CFAP54: variants seen among roughly 807,000 people sequenced by gnomAD.
CFAP54 encodes cilia- and flagella-associated protein 54.
A neutral mutation model predicts 370.4 loss-of-function variants in CFAP54; 290 were observed. That is an observed-to-expected ratio of 0.78 (90% confidence interval 0.71 to 0.86). The LOEUF (loss-of-function observed/expected upper bound fraction) is 0.86, where lower values mean the gene tolerates loss of function less well. CFAP54 is among the 40% of genes least tolerant of loss of function. CFAP54 has a pLI of 0.00. For synonymous variants in CFAP54, 1,206 were observed against 1,236.5 expected, an observed-to-expected ratio of 0.98 and a Z score of 0.52; for missense variants, 3,399 against 3,528.7, an observed-to-expected ratio of 0.96 and a Z score of 0.93.
intron 23 of CFAP54, among the ~76,000 whole-genome samples, chr12:96,591,386 A>T (rs1316353153): frequency 2.0e-5 from 3 of 152,068 alleles, no homozygotes; most frequent in Non-Finnish European, 4.4e-5. Context: ...AGCAAAGACC[A>T]CTCATGTGAA....
chr12:96,490,521 A>G (rs1215588954), intron 1 of CFAP54, among the ~76,000 whole-genome samples: 1 of 152,152 alleles, frequency 6.6e-6, no homozygotes, highest in Non-Finnish European at 1.5e-5. Flanking sequence ...AAAAATTTAT[A>G]CATGAATACA....
chr12:96,798,350 C>T (rs1288922730), intron 63 of CFAP54, among the ~76,000 whole-genome samples: 3 of 152,022 alleles, frequency 2.0e-5, no homozygotes, highest in Non-Finnish European at 1.5e-5. Context: ...CATTATTTTA[C>T]ATTTATTTGT....
intron 26 of CFAP54, among the ~76,000 whole-genome samples, chr12:96,601,019 G>A (rs1464481955): frequency 6.6e-6 from 1 of 152,120 alleles, no homozygotes; most frequent in Admixed American, 6.6e-5. Flanking sequence ...GGTGAGAGAG[G>A]GCATCCTTGT....
At chr12:96,541,008 T>A in intron 14 of CFAP54, 21 bp downstream of exon 14, 1 of 1,450,872 alleles carries the variant, frequency 6.9e-7, no homozygotes, top group Non-Finnish European at 9.1e-7. Context: ...GGCTGAAAAA[T>A]TGTATACATA....
chr12:96,618,960 G>A (rs559704363), intron 26 of CFAP54, among the ~76,000 whole-genome samples: 1 of 152,248 alleles, frequency 6.6e-6, no homozygotes, highest in Admixed American at 6.5e-5. Flanking sequence ...CACCTCCCTA[G>A]CTCAAGCAAT....
At chr12:96,682,076 C>G in intron 40 of CFAP54, 1 of 786,906 alleles carries the variant, frequency 1.3e-6, no homozygotes. Flanking sequence ...TCTCTACCTT[C>G]CCTCCCAACT....
intron 40 of CFAP54, among the ~76,000 whole-genome samples, chr12:96,680,942 G>C (rs977513207): frequency 1.4e-4 from 22 of 152,098 alleles, no homozygotes; most frequent in African/African-American, 5.3e-4. Flanking sequence ...AAATTAACCG[G>C]TGTGGTGGCG....
chr12:96,648,964 C>A (rs1259581471), intron 34 of CFAP54, among the ~76,000 whole-genome samples: 1 of 152,148 alleles, frequency 6.6e-6, no homozygotes, highest in Non-Finnish European at 1.5e-5. Context: ...CACCCCTTTC[C>A]TGCAAAGATG....
intron 66 of CFAP54, among the ~76,000 whole-genome samples, chr12:96,860,032 A>G (rs534083801): frequency 1.3e-4 from 20 of 152,244 alleles, no homozygotes; most frequent in Middle Eastern, 3.4e-3. Flanking sequence ...CAGCCTCCAA[A>G]TACAATATTC....
At chr12:96,782,488 A>T (rs2097766152) in intron 60 of CFAP54, among the ~76,000 whole-genome samples, 1 of 152,170 alleles carries the variant, frequency 6.6e-6, no homozygotes, top group African/African-American at 2.4e-5. Flanking sequence ...CATTTTTAAC[A>T]GAAAACGTAT....
intron 26 of CFAP54, among the ~76,000 whole-genome samples, chr12:96,613,735 A>G (rs1956385600): frequency 6.6e-6 from 1 of 152,226 alleles, no homozygotes; most frequent in Admixed American, 6.5e-5. Context: ...AGAATACTAT[A>G]AACACCTATA....
At chr12:96,666,646 TC>T (rs1957084204) in intron 39 of CFAP54, among the ~76,000 whole-genome samples, 1 of 152,024 alleles carries the variant, frequency 6.6e-6, no homozygotes, top group Non-Finnish European at 1.5e-5. Flanking sequence ...CATGGGAAAA[TC>T]CACCCCGATG....
chr12:96,597,007 G>A (rs1191708493), intron 25 of CFAP54, among the ~76,000 whole-genome samples: 1 of 152,030 alleles, frequency 6.6e-6, no homozygotes, highest in Non-Finnish European at 1.5e-5. Context: ...TGGTGAAGAT[G>A]TGGGGCAATT....
At chr12:96,506,794 C>T in intron 3 of CFAP54, 134 bp from the exon 4 acceptor site, 1 of 644,730 alleles carries the variant, frequency 1.6e-6, no homozygotes, top group Non-Finnish European at 2.5e-6. Context: ...ATCATGTTGG[C>T]CAGGCTGGTC....
rs192783911 is a variant in CFAP54 at position 96,634,331 on chromosome 12, A to C, written c.4316+3680A>C. Among the ~76,000 whole-genome samples the C allele has an allele frequency of 9.2e-5, 14 of 151,824 alleles. No individual in the cohort carries two copies. In the East Asian group the frequency reaches 2.7e-3, roughly 29 times the overall value. ...AGCCTCCCAAAGTGCTGGGATTACAAGCGTGAGCCACCGTGCCCGGCCAAA... is the reference window on the plus strand; with the variant it reads ...AGCCTCCCAAAGTGCTGGGATTACACGCGTGAGCCACCGTGCCCGGCCAAA... On this transcript the variant is annotated intron_variant, in intron 32 of 67. Coordinates refer to ENST00000524981, the MANE Select transcript of CFAP54 (RefSeq NM_001306084.2).
At chr12:96,533,310 G>C (rs1335012435) in intron 9 of CFAP54, among the ~76,000 whole-genome samples, 9 of 151,942 alleles carry the variant, frequency 5.9e-5, no homozygotes, top group Non-Finnish European at 1.5e-5. Context: ...TTACTGTTGA[G>C]TACTCCTTTC....
intron 1 of CFAP54, 96 bp from the exon 2 acceptor site, chr12:96,500,738 G>T: frequency 1.4e-6 from 1 of 730,302 alleles, no homozygotes; most frequent in South Asian, 2.0e-5. Context: ...CATTGGAAAG[G>T]CTTTAGCATA....
chr12:96,804,895 G>A lies in CFAP54; in HGVS notation c.8851-6841G>A, dbSNP rs114999809. The stretch of plus-strand genomic sequence containing the variant: ...ACAAATGGTACTGGTATAAAAAATA[G>A]ACACATACATCAATGAAAAGACTAG... On this transcript the variant is annotated intron_variant, in intron 63 of 67. Transcript: ENST00000524981. Among the ~76,000 whole-genome samples, 740 of 152,076 alleles carry A rather than the reference G, an allele frequency of 4.9e-3. 5 individuals carry two copies. Among genetic ancestry groups the A allele is most frequent in the African/African-American group, 0.017 (695 of 41,506 alleles).
chr12:96,682,356 T>A (rs762975212), intron 40 of CFAP54: 80 of 979,278 alleles, frequency 8.2e-5, no homozygotes, highest in Middle Eastern at 5.2e-4. Flanking sequence ...AGCCATTATG[T>A]ACTCATTTTC....
Sources: gnomAD v4.1 joint callset for allele counts (sites outside exome capture counted in the v4.1 genomes callset) on GRCh38, gnomAD v4.1.1 for gene constraint, MANE v1.5 for transcripts, NCBI Gene and HGNC (gene_info 2026-07-23, HGNC 2026-07-21) for gene names.